The following USP54 variants were observed in gnomAD, a reference collection of about 807,000 sequenced individuals.
The protein encoded by USP54 is ubiquitin carboxyl-terminal hydrolase 54.
USP54 carries 87 observed loss-of-function variants against 170.5 expected under a neutral mutation model. The ratio of observed to expected loss-of-function variants is 0.51; its 90% CI spans 0.43 to 0.61. USP54 has a LOEUF of 0.61. Among genes scored for constraint, USP54 ranks in the 20% least tolerant of loss-of-function variants. The pLI is 0.00. For missense variants in USP54, 1,786 were observed against 2,047.8 expected (o/e 0.87, Z 2.47); for synonymous variants, 655 against 742.8 (o/e 0.88, Z 1.92).
chr10:73,598,519 G>A (rs935338057), intron 1 of USP54, among the ~76,000 whole-genome samples: 1 of 152,272 alleles, frequency 6.6e-6, no homozygotes, highest in African/African-American at 2.4e-5. Flanking sequence ...GCTCACGCCT[G>A]TACTCCCAGC....
In USP54 at chr10:73,498,691, GAACA is replaced by G. The variant is rs769053365; in HGVS notation, c.4989_4992del (p.Val1664TyrfsTer35). The G allele has an allele frequency of 1.2e-4, 190 of 1,605,588 alleles. 1 individual carries two copies. Among genetic ancestry groups the G allele is most frequent in the Admixed American group, 1.4e-4 (8 of 59,100 alleles). ...TGCTCTCTTCTGGGAGCATCTGATA[GAACA>G]AACAGAAACCCCTCTCCCACTGTTC... On this transcript the variant is annotated frameshift_variant, in exon 24 of 24. Coordinates refer to ENST00000687698, the MANE Select transcript of USP54 (RefSeq NM_001391956.1). LOFTEE classifies it high-confidence loss of function.
chr10:73,582,947 T>G (rs1296514695), intron 1 of USP54, among the ~76,000 whole-genome samples: 2 of 152,194 alleles, frequency 1.3e-5, no homozygotes, highest in African/African-American at 4.8e-5. Context: ...TAATACATAT[T>G]GACATCATGA....
chr10:73,504,275 A>T (rs2058692666), intron 22 of USP54: 1 of 153,530 alleles, frequency 6.5e-6, no homozygotes, highest in African/African-American at 2.4e-5. Context: ...CTCCAAAGGT[A>T]TGATTACCTA....
chr10:73,566,091 G>A (rs557340297), intron 4 of USP54, among the ~76,000 whole-genome samples: 64 of 152,086 alleles, frequency 4.2e-4, no homozygotes, highest in Admixed American at 1.2e-3. Flanking sequence ...TTAGCCGGGC[G>A]TGGTGGCGCA....
intron 5 of USP54, among the ~76,000 whole-genome samples, chr10:73,543,601 C>T (rs541335487): frequency 3.9e-5 from 6 of 152,222 alleles, no homozygotes; most frequent in South Asian, 4.1e-4. Context: ...CTCCTGACCT[C>T]GTGATCCGCC....
intron 3 of USP54, among the ~76,000 whole-genome samples, chr10:73,573,585 G>A (rs766806810): frequency 4.0e-4 from 61 of 152,250 alleles, no homozygotes; most frequent in Non-Finnish European, 7.2e-4. Context: ...CCAACATGGC[G>A]AAACCCCGTC....
At position 73,575,599 on chromosome 10, in the gene USP54, T is replaced by G. The variant is rs1205336607; in HGVS notation, c.60A>C (p.Ala20=). ...GGRGSVQGMF[A]PRSSTSIAPS... ...GGGCTATGGAGGTTGAGCTTCGAGG[T>G]GCAAACATCCCTTGTACACTACCAC... The change falls in exon 3 of 24, where the codon GCA becomes GCC. Residue 20 remains alanine (A), a synonymous_variant. Coordinates refer to ENST00000687698, the MANE Select transcript of USP54 (RefSeq NM_001391956.1). 11 of 1,613,856 alleles carry G rather than the reference T, an allele frequency of 6.8e-6. No homozygotes were observed. Among genetic ancestry groups the G allele is most frequent in the Non-Finnish European group, 9.3e-6 (11 of 1,179,980 alleles).
chr10:73,624,813 C>A (rs72814327), intron 1 of USP54, among the ~76,000 whole-genome samples: 11 of 152,174 alleles, frequency 7.2e-5, no homozygotes, highest in South Asian at 2.1e-4. Context: ...TCTTTTATTT[C>A]AACATTGAGA....
chr10:73,506,107 A>AATC, intron 20 of USP54: 1 of 152,352 alleles, frequency 6.6e-6, no homozygotes, highest in South Asian at 2.1e-4. Context: ...TGATCATAAT[A>AATC]ATCATCTATC....
At chr10:73,537,281 C>T (rs1411008735) in intron 10 of USP54, among the ~76,000 whole-genome samples, 1 of 152,012 alleles carries the variant, frequency 6.6e-6, no homozygotes, top group African/African-American at 2.4e-5. Context: ...AACCCTAAAT[C>T]TAAAAGAACT....
At chr10:73,604,643 T>C (rs1195405714) in intron 1 of USP54, among the ~76,000 whole-genome samples, 4 of 148,686 alleles carry the variant, frequency 2.7e-5, no homozygotes, top group East Asian at 2.0e-4. Flanking sequence ...GAGGCTGGAG[T>C]GCAGTGGTGC....
At chr10:73,612,054 G>A (rs560306052) in intron 1 of USP54, among the ~76,000 whole-genome samples, 1 of 152,182 alleles carries the variant, frequency 6.6e-6, no homozygotes, top group East Asian at 1.9e-4. Context: ...TGAAGCTGCA[G>A]TGAGTTGAGA....
intron 12 of USP54, 60 bp downstream of exon 12, chr10:73,534,540 C>T: frequency 6.4e-7 from 1 of 1,561,858 alleles, no homozygotes; most frequent in Admixed American, 1.9e-5. Context: ...GTTTCTTTTT[C>T]TTAGGAGATC....
At chr10:73,567,533 G>A (rs145740435) in intron 4 of USP54, among the ~76,000 whole-genome samples, 97 of 152,168 alleles carry the variant, frequency 6.4e-4, no homozygotes, top group Non-Finnish European at 1.1e-3. Flanking sequence ...TTAGCTGGGC[G>A]TGGTAGTGGG....
At chr10:73,610,313 C>T (rs1272982950) in intron 1 of USP54, among the ~76,000 whole-genome samples, 2 of 152,098 alleles carry the variant, frequency 1.3e-5, no homozygotes, top group Admixed American at 1.3e-4. Context: ...GACTTCCTGC[C>T]AGCTTTATAT....
At position 73,539,435 on chromosome 10, in the gene USP54, T is replaced by G. The variant is rs759436395; in HGVS notation, c.975+9A>C. 66 of 1,596,840 alleles carry G rather than the reference T, an allele frequency of 4.1e-5. No individual in the cohort carries two copies. The highest frequency in any genetic ancestry group is 5.6e-5 in the Non-Finnish European group (65 of 1,170,018). On this transcript the variant is annotated intron_variant, in intron 10 of 23. Coordinates refer to ENST00000687698, the MANE Select transcript of USP54 (RefSeq NM_001391956.1). ...CCAAACACTTCAAAAAGGACTTGACTACTCCTACCTCCTTGACATGAGCAT... is the reference window on the plus strand; with the variant it reads ...CCAAACACTTCAAAAAGGACTTGACGACTCCTACCTCCTTGACATGAGCAT...
In USP54 at chr10:73,498,993, G is replaced by C. The variant is rs1456539388; in HGVS notation, c.4691C>G (p.Pro1564Arg). Residue 1564 changes from proline to arginine, a missense_variant, in exon 24 of 24, where the codon CCT becomes CGT. This residue lies in a region of USP54 where 1,418 missense variants were observed against 1,569.0 expected (regional missense o/e 0.90). Coordinates refer to ENST00000687698, the MANE Select transcript of USP54 (RefSeq NM_001391956.1). ...TRFLTTPGCNPQLTYTATLPE... is the reference protein window; with the variant it reads ...TRFLTTPGCNRQLTYTATLPE... ...TAGTGTGGCAGTGTAGGTTAGTTGA[G>C]GATTGCACCCTGGAGTAGTCAGGAA... 3.7e-6 allele frequency: 6 copies of C among 1,613,996 alleles called. No homozygotes were observed. The highest frequency in any genetic ancestry group is 2.7e-5 in the African/African-American group (2 of 74,886).
chr10:73,623,801 A>G (rs1023766895), intron 1 of USP54, among the ~76,000 whole-genome samples: 4 of 152,184 alleles, frequency 2.6e-5, no homozygotes, highest in Non-Finnish European at 5.9e-5. Context: ...ACAGGGTCTG[A>G]GCAATTCCAA....
At chr10:73,606,471 G>C (rs2132289581) in intron 1 of USP54, 1 of 152,186 alleles carries the variant, frequency 6.6e-6, no homozygotes, top group South Asian at 2.1e-4. Context: ...CTCTTAGCCT[G>C]ATCAGTATAA....
Sources: allele counts gnomAD v4.1 joint callset (sites outside exome capture counted in the v4.1 genomes callset), GRCh38; gene constraint gnomAD v4.1.1; regional missense constraint gnomAD v4.1.1; transcripts MANE v1.5; gene names NCBI Gene and HGNC (gene_info 2026-07-23, HGNC 2026-07-21).